ATRNL1: variants seen among roughly 807,000 people sequenced by gnomAD.
ATRNL1 encodes the protein attractin like 1, also known as attractin-like protein 1.
In ATRNL1, 95 loss-of-function variants were observed where a neutral mutation model predicts 182.7. That is an observed-to-expected ratio of 0.52 (90% CI 0.44 to 0.62). ATRNL1 has a LOEUF of 0.62. Among genes scored for constraint, ATRNL1 ranks in the 20% least tolerant of loss-of-function variants. The probability of loss-of-function intolerance (pLI) is 0.00; values close to 1 mark genes in which losing one functional copy is unlikely to be tolerated. For missense variants in ATRNL1, 1,471 were observed against 1,679.5 expected, an observed-to-expected ratio of 0.88 and a Z score of 2.17; for synonymous variants, 576 against 568.3, an observed-to-expected ratio of 1.01 and a Z score of -0.19.
intron 5 of ATRNL1, among the ~76,000 whole-genome samples, chr10:115,148,724 C>T (rs1011205538): frequency 6.6e-6 from 1 of 151,036 alleles, no homozygotes; most frequent in Admixed American, 6.6e-5. Flanking sequence ...GAATGGATCT[C>T]CCTCTTTGAG....
intron 21 of ATRNL1, among the ~76,000 whole-genome samples, chr10:115,452,930 G>A (rs77601820): frequency 6.6e-6 from 1 of 152,018 alleles, no homozygotes; most frequent in Non-Finnish European, 1.5e-5. Context: ...TCTTATAAAT[G>A]TGGGATAATA....
At chr10:115,862,077 A>G (rs1047524252) in intron 28 of ATRNL1, among the ~76,000 whole-genome samples, 3 of 152,172 alleles carry the variant, frequency 2.0e-5, no homozygotes, top group Non-Finnish European at 4.4e-5. Context: ...TCCTTGGACC[A>G]TCCATTTATA....
intron 24 of ATRNL1, among the ~76,000 whole-genome samples, chr10:115,515,415 A>G (rs1458098776): frequency 6.8e-6 from 1 of 148,142 alleles, no homozygotes; most frequent in Non-Finnish European, 1.5e-5. Flanking sequence ...CCCACTGCCC[A>G]CTCAGAACTC....
At chr10:115,299,912 T>G (rs1853389813) in intron 15 of ATRNL1, 122 bp from the exon 16 acceptor site, 2 of 677,824 alleles carry the variant, frequency 3.0e-6, no homozygotes, top group South Asian at 4.2e-5. Context: ...TAAAACTCAT[T>G]AGAAAGGCAG....
intron 26 of ATRNL1, among the ~76,000 whole-genome samples, chr10:115,591,305 G>T (rs1200275839): frequency 6.6e-6 from 1 of 152,236 alleles, no homozygotes; most frequent in East Asian, 1.9e-4. Context: ...AGAAAATGGG[G>T]TTTATGACAC....
chr10:115,612,005 C>A (rs959622760), intron 26 of ATRNL1, among the ~76,000 whole-genome samples: 2 of 152,134 alleles, frequency 1.3e-5, no homozygotes, highest in African/African-American at 2.4e-5. Flanking sequence ...AATTCCAGCA[C>A]GCTGGGAGGC....
chr10:115,752,113 C>T (rs954359880), intron 27 of ATRNL1, among the ~76,000 whole-genome samples: 38 of 152,034 alleles, frequency 2.5e-4, no homozygotes, highest in African/African-American at 8.2e-4. Context: ...ATGACTGAAT[C>T]TTATGAGAAT....
intron 27 of ATRNL1, among the ~76,000 whole-genome samples, chr10:115,759,144 G>A (rs1948667913): frequency 6.6e-6 from 1 of 152,166 alleles, no homozygotes; most frequent in South Asian, 2.1e-4. Flanking sequence ...TGTTTACGCG[G>A]ATGCAGGAAG....
chr10:115,900,197 A>G (rs2134487726), intron 28 of ATRNL1, among the ~76,000 whole-genome samples: 1 of 152,270 alleles, frequency 6.6e-6, no homozygotes, highest in East Asian at 1.9e-4. Flanking sequence ...GGTTGTCCAT[A>G]TTTTTTTATA....
chr10:115,923,918 G>A (rs1555119318), intron 28 of ATRNL1, among the ~76,000 whole-genome samples: 2 of 152,098 alleles, frequency 1.3e-5, no homozygotes, highest in African/African-American at 2.4e-5. Flanking sequence ...AGCATCTATT[G>A]TTTCTTGACT....
intron 26 of ATRNL1, among the ~76,000 whole-genome samples, chr10:115,594,402 C>G (rs1340132050): frequency 2.0e-5 from 3 of 152,080 alleles, no homozygotes; most frequent in African/African-American, 7.2e-5. Flanking sequence ...TGCTCAAGGA[C>G]TCAGAATTTG....
At chr10:115,176,076 C>T (rs978193625) in intron 8 of ATRNL1, among the ~76,000 whole-genome samples, 1 of 151,958 alleles carries the variant, frequency 6.6e-6, no homozygotes, top group Admixed American at 6.6e-5. Flanking sequence ...ATGAGCATTT[C>T]TTCATGTGTT....
chr10:115,294,542 A>G (rs912268977), intron 15 of ATRNL1, among the ~76,000 whole-genome samples: 1 of 152,124 alleles, frequency 6.6e-6, no homozygotes, highest in Non-Finnish European at 1.5e-5. Context: ...ATCTCACTGA[A>G]GTTCCTTAAG....
intron 28 of ATRNL1, among the ~76,000 whole-genome samples, chr10:115,893,501 G>A (rs550850180): frequency 2.8e-4 from 43 of 152,274 alleles, no homozygotes; most frequent in African/African-American, 7.5e-4. Context: ...GATTTTGGGC[G>A]AATAAAGTTA....
intron 19 of ATRNL1, among the ~76,000 whole-genome samples, chr10:115,366,288 C>A (rs1857032294): frequency 1.3e-5 from 2 of 151,802 alleles, no homozygotes; most frequent in Admixed American, 1.3e-4. Context: ...TTCTTTGTCT[C>A]TTTTGATCTT....
chr10:115,659,544 G>GTTATTTAATGTAATGTTATTTACATTACA (rs1555037115), intron 26 of ATRNL1, among the ~76,000 whole-genome samples: 9 of 151,892 alleles, frequency 5.9e-5, no homozygotes, highest in South Asian at 2.1e-4. Flanking sequence ...GCTATTTAAT[G>GTTATTTAATGTAATGTTATTTACATTACA]TTATTTAATG....
intron 26 of ATRNL1, among the ~76,000 whole-genome samples, chr10:115,705,720 A>G (rs1338052426): frequency 6.6e-6 from 1 of 151,932 alleles, no homozygotes; most frequent in Middle Eastern, 3.2e-3. Flanking sequence ...ACTGTCTCCC[A>G]AAGATTTCAG....
chr10:115,427,065 A>C (rs1364362086), intron 21 of ATRNL1, among the ~76,000 whole-genome samples: 1 of 152,084 alleles, frequency 6.6e-6, no homozygotes, highest in Non-Finnish European at 1.5e-5. Flanking sequence ...TGTTTCCCCA[A>C]ATGGTTGTAC....
At chr10:115,766,900 G>T (rs1948869944) in intron 27 of ATRNL1, among the ~76,000 whole-genome samples, 1 of 152,134 alleles carries the variant, frequency 6.6e-6, no homozygotes, top group South Asian at 2.1e-4. Flanking sequence ...ATTACTAGTT[G>T]TGTTACCTTG....
Sources: allele counts gnomAD v4.1 joint callset (sites outside exome capture counted in the v4.1 genomes callset), GRCh38; gene constraint gnomAD v4.1.1; transcripts MANE v1.5; gene names NCBI Gene and HGNC (gene_info 2026-07-23, HGNC 2026-07-21).